The following MGAT4C variants were observed in gnomAD, a reference collection of about 807,000 sequenced individuals.
MGAT4C encodes alpha-1,3-mannosyl-glycoprotein 4-beta-N-acetylglucosaminyltransferase C.
MGAT4C carries 19 observed loss-of-function variants against 40.1 expected under a neutral mutation model. That is an observed-to-expected ratio of 0.47 (90% CI 0.33 to 0.70). MGAT4C has a LOEUF of 0.70. Ranked by LOEUF, MGAT4C falls within the 30% of genes least tolerant of loss-of-function variation. The probability of loss-of-function intolerance (pLI) is 0.02; values close to 1 mark genes in which losing one functional copy is unlikely to be tolerated. For missense variants in MGAT4C, 491 were observed against 563.2 expected (o/e 0.87, Z 1.30); for synonymous variants, 181 against 187.1 (o/e 0.97, Z 0.27).
intron 2 of MGAT4C, among the ~76,000 whole-genome samples, chr12:86,567,833 A>G (rs1323554460): frequency 6.6e-6 from 1 of 152,216 alleles, no homozygotes; most frequent in African/African-American, 2.4e-5. Flanking sequence ...ACACTTGTAC[A>G]AGGAAAATGT....
At chr12:86,716,050 A>T (rs1470502074) in intron 2 of MGAT4C, among the ~76,000 whole-genome samples, 1 of 152,120 alleles carries the variant, frequency 6.6e-6, no homozygotes, top group Non-Finnish European at 1.5e-5. Flanking sequence ...TGTTTCAGGC[A>T]GATAACTATA....
At chr12:86,755,147 G>A (rs1345524185) in intron 1 of MGAT4C, among the ~76,000 whole-genome samples, 1 of 152,110 alleles carries the variant, frequency 6.6e-6, no homozygotes, top group Non-Finnish European at 1.5e-5. Flanking sequence ...CAATAATGTG[G>A]ATGGCCTCAT....
At chr12:86,353,316 G>A (rs1367881090) in intron 3 of MGAT4C, among the ~76,000 whole-genome samples, 2 of 152,046 alleles carry the variant, frequency 1.3e-5, no homozygotes, top group Non-Finnish European at 1.5e-5. Context: ...AAAACCCTGG[G>A]TATAATACAT....
intron 2 of MGAT4C, among the ~76,000 whole-genome samples, chr12:86,565,039 T>C (rs1284804729): frequency 6.6e-6 from 1 of 152,152 alleles, no homozygotes; most frequent in Non-Finnish European, 1.5e-5. Flanking sequence ...ATAACTACTC[T>C]CTTCTTGAGA....
At chr12:86,276,778 T>C (rs1363947029) in intron 4 of MGAT4C, among the ~76,000 whole-genome samples, 1 of 152,236 alleles carries the variant, frequency 6.6e-6, no homozygotes, top group African/African-American at 2.4e-5. Flanking sequence ...TTCTTTCATA[T>C]GGCTAAATGC....
Position 86,346,814 on chromosome 12 carries a change from G to T in MGAT4C, c.-119-12687C>A, listed in dbSNP as rs1223008790. 5.3e-5 allele frequency among the ~76,000 whole-genome samples: 8 copies of T among 152,112 alleles called. No homozygotes were observed. In the East Asian group the frequency reaches 1.5e-3, roughly 29 times the overall value. ...AGATAGGCAGACCGATCCTCAATCT[G>T]GGTGGGCACCATCCAACCGGCTGCC... On this transcript the variant is annotated intron_variant, in intron 3 of 7. Transcript: ENST00000548651.
intron 2 of MGAT4C, among the ~76,000 whole-genome samples, chr12:86,647,814 C>A (rs763924785): frequency 2.6e-5 from 4 of 151,928 alleles, no homozygotes; most frequent in Non-Finnish European, 4.4e-5. Context: ...TTATGATAAA[C>A]TACATGAGTA....
chr12:86,799,208 C>G (rs1952182749), intron 1 of MGAT4C, among the ~76,000 whole-genome samples: 1 of 151,752 alleles, frequency 6.6e-6, no homozygotes, highest in Non-Finnish European at 1.5e-5. Context: ...AAGACTCTTA[C>G]TCTTTACATA....
intron 3 of MGAT4C, among the ~76,000 whole-genome samples, chr12:86,358,689 G>A (rs1012371467): frequency 1.3e-5 from 2 of 152,102 alleles, no homozygotes; most frequent in Non-Finnish European, 2.9e-5. Context: ...AGTCTCTGAT[G>A]AAACAGACTT....
intron 2 of MGAT4C, among the ~76,000 whole-genome samples, chr12:86,571,029 G>T (rs1960342119): frequency 6.6e-6 from 1 of 152,028 alleles, no homozygotes; most frequent in Non-Finnish European, 1.5e-5. Flanking sequence ...TGCCCAGGCT[G>T]GTTTCGAACT....
At chr12:86,801,784 A>G (rs897044804) in intron 1 of MGAT4C, among the ~76,000 whole-genome samples, 1 of 139,996 alleles carries the variant, frequency 7.1e-6, no homozygotes, top group East Asian at 1.9e-4. Flanking sequence ...AATACTTACA[A>G]GTTATCCAGA....
chr12:86,762,631 A>C (rs1951427980), intron 1 of MGAT4C, among the ~76,000 whole-genome samples: 1 of 152,240 alleles, frequency 6.6e-6, no homozygotes, highest in African/African-American at 2.4e-5. Flanking sequence ...TGGTTAAGTA[A>C]GCAATGAAAA....
intron 2 of MGAT4C, among the ~76,000 whole-genome samples, chr12:86,579,101 A>T (rs1960675453): frequency 1.3e-5 from 2 of 151,534 alleles, no homozygotes; most frequent in Non-Finnish European, 3.0e-5. Flanking sequence ...AATTGTTTAT[A>T]TAACTATTCA....
chr12:86,294,372 T>C (rs970131508), intron 4 of MGAT4C, among the ~76,000 whole-genome samples: 2 of 152,120 alleles, frequency 1.3e-5, no homozygotes, highest in Non-Finnish European at 2.9e-5. Flanking sequence ...CCTTTTTTTT[T>C]TTAATCTAAA....
intron 1 of MGAT4C, among the ~76,000 whole-genome samples, chr12:86,171,741 A>G (rs1050970424): frequency 6.6e-6 from 1 of 152,202 alleles, no homozygotes; most frequent in African/African-American, 2.4e-5. Context: ...CCTTTGGCTC[A>G]TGAATTCCAG....
chr12:86,587,761 G>A (rs1380833738), intron 2 of MGAT4C, among the ~76,000 whole-genome samples: 1 of 151,132 alleles, frequency 6.6e-6, no homozygotes, highest in African/African-American at 2.4e-5. Flanking sequence ...TCTCTTATTG[G>A]TGTATAAGAA....
intron 1 of MGAT4C, among the ~76,000 whole-genome samples, chr12:86,241,962 A>G (rs574739308): frequency 7.2e-5 from 11 of 152,176 alleles, no homozygotes; most frequent in Non-Finnish European, 1.3e-4. Flanking sequence ...AGGGGGGGAA[A>G]TTGAGAAAAT....
rs1309306103 is a variant in MGAT4C, at chr12:86,801,422, A to G, written c.-262+37244T>C. On this transcript the variant is annotated intron_variant, in intron 1 of 7. Coordinates refer to the MGAT4C transcript ENST00000548651. ...TGGAAGAGATTCAAAATTTAGGAAC[A>G]GTAATGAATATGAGTGATAAAAGCA... 2.0e-5 allele frequency among the ~76,000 whole-genome samples: 3 copies of G among 151,906 alleles called. No homozygotes were observed. In the Admixed American group the frequency reaches 2.0e-4, roughly 10 times the overall value.
At chr12:86,128,989 G>C (rs1297142939) in intron 1 of MGAT4C, among the ~76,000 whole-genome samples, 1 of 152,002 alleles carries the variant, frequency 6.6e-6, no homozygotes, top group Non-Finnish European at 1.5e-5. Flanking sequence ...GTAAGTATTT[G>C]GGTTTACTTC....
Sources: allele counts gnomAD v4.1 joint callset (sites outside exome capture counted in the v4.1 genomes callset), GRCh38; gene constraint gnomAD v4.1.1; transcripts MANE v1.5; gene names NCBI Gene and HGNC (gene_info 2026-07-23, HGNC 2026-07-21).